The following ITCH variants were observed in gnomAD, a reference collection of about 807,000 sequenced individuals.
The protein encoded by ITCH is itchy E3 ubiquitin protein ligase, also known as E3 ubiquitin-protein ligase Itchy homolog.
A neutral mutation model predicts 126.8 loss-of-function variants in ITCH; 28 were observed. That is an observed-to-expected ratio of 0.22 (90% CI 0.16 to 0.30). ITCH has a LOEUF of 0.30. ITCH is among the 10% of genes least tolerant of loss of function. ITCH has a pLI of 1.00. For synonymous variants in ITCH, 342 were observed against 340.0 expected, an observed-to-expected ratio of 1.01 and a Z score of -0.06; for missense variants, 631 against 1,032.4, an observed-to-expected ratio of 0.61 and a Z score of 5.33.
At chr20:34,506,097 G>A (rs1007304484) in intron 24 of ITCH, among the ~76,000 whole-genome samples, 1 of 150,136 alleles carries the variant, frequency 6.7e-6, no homozygotes, top group Admixed American at 6.6e-5. Flanking sequence ...ACATGTCTCA[G>A]TCTGTCACCC....
chr20:34,495,520 C>T (rs1326547263), intron 23 of ITCH, among the ~76,000 whole-genome samples: 1 of 151,836 alleles, frequency 6.6e-6, no homozygotes, highest in African/African-American at 2.4e-5. Flanking sequence ...TTAGCTTTCA[C>T]GAGTGACAGC....
In ITCH at chr20:34,481,114, C is replaced by T. The variant is rs768384980; in HGVS notation, c.2001C>T (p.Asp667=). 1 of 1,613,308 alleles carries T rather than the reference C, an allele frequency of 6.2e-7. No individual in the cohort carries two copies. The highest frequency in any genetic ancestry group is 1.1e-5 in the South Asian group (1 of 91,074). The part of the protein sequence containing the change: ...ECDLEMYFSV[D]KEILGEIKSH... ...ATTTGGAAATGTACTTCTCCGTTGACAAAGAAATTCTAGGTGAAATTAAGA... is the reference window on the plus strand; with the variant it reads ...ATTTGGAAATGTACTTCTCCGTTGATAAAGAAATTCTAGGTGAAATTAAGA... The change falls in exon 20 of 25, where the codon GAC becomes GAT. Residue 667 remains aspartate, a synonymous_variant. Transcript: ENST00000374864.
intron 2 of ITCH, among the ~76,000 whole-genome samples, chr20:34,375,998 T>C (rs7275084): frequency 0.069 from 10,546 of 152,150 alleles, 1,176 homozygotes; most frequent in African/African-American, 0.24. Context: ...TCTTAATTTT[T>C]TTCTAAGGAG....
At chr20:34,477,883 G>A (rs1175770725) in intron 17 of ITCH, 23 bp downstream of exon 17, 1 of 1,612,786 alleles carries the variant, frequency 6.2e-7, no homozygotes, top group Non-Finnish European at 8.5e-7. Context: ...TGAATACTCA[G>A]AACTTAGTTC....
chr20:34,371,618 A>G (rs1398492412), intron 2 of ITCH, among the ~76,000 whole-genome samples: 3 of 152,124 alleles, frequency 2.0e-5, no homozygotes, highest in African/African-American at 7.2e-5. Flanking sequence ...AAGGAAGGAG[A>G]TGGTGGAATG....
intron 13 of ITCH, 121 bp downstream of exon 13, chr20:34,457,595 C>A: frequency 1.4e-6 from 1 of 709,502 alleles, no homozygotes; most frequent in Non-Finnish European, 2.5e-6. Flanking sequence ...CACCTACATA[C>A]TTTGGAAAGA....
chr20:34,487,908 C>T (rs1350783599), intron 20 of ITCH, among the ~76,000 whole-genome samples: 1 of 152,182 alleles, frequency 6.6e-6, no homozygotes, highest in Non-Finnish European at 1.5e-5. Flanking sequence ...CATTGCGCTT[C>T]AGCCTAGGGG....
chr20:34,490,777 G>C (rs989983629), intron 22 of ITCH, among the ~76,000 whole-genome samples: 2 of 152,190 alleles, frequency 1.3e-5, no homozygotes, highest in Non-Finnish European at 2.9e-5. Flanking sequence ...TAGTTTGGTG[G>C]TTCCTCAAAA....
At chr20:34,369,353 T>C in intron 1 of ITCH, 41 bp from the exon 2 acceptor site, 3 of 371,512 alleles carry the variant, frequency 8.1e-6, no homozygotes, top group Non-Finnish European at 1.4e-5. Context: ...AACAAAAAAA[T>C]ATAGAAGTAA....
chr20:34,395,606 C>T (rs549274877), intron 3 of ITCH, among the ~76,000 whole-genome samples: 27 of 152,274 alleles, frequency 1.8e-4, no homozygotes, highest in Admixed American at 1.4e-3. Flanking sequence ...AGCAGTCACT[C>T]TCCATTTAAC....
chr20:34,480,473 A>T, intron 18 of ITCH, 126 bp from the exon 19 acceptor site: 1 of 1,144,014 alleles, frequency 8.7e-7, no homozygotes, highest in Middle Eastern at 2.8e-4. Flanking sequence ...GATTGCTGGG[A>T]TTACAGGCGT....
intron 22 of ITCH, 52 bp downstream of exon 22, chr20:34,489,978 T>G: frequency 7.3e-7 from 1 of 1,369,162 alleles, no homozygotes; most frequent in Non-Finnish European, 1.0e-6. Flanking sequence ...TTTTTTAGAA[T>G]TTGCTTACCA....
At chr20:34,476,833 A>G (rs1382060255) in intron 16 of ITCH, 1 of 154,946 alleles carries the variant, frequency 6.5e-6, no homozygotes, top group African/African-American at 2.4e-5. Context: ...TTGTAAGAGT[A>G]ATTGATATAT....
At chr20:34,405,253 C>G (rs1003674027) in intron 3 of ITCH, among the ~76,000 whole-genome samples, 5 of 151,706 alleles carry the variant, frequency 3.3e-5, no homozygotes, top group African/African-American at 1.2e-4. Context: ...GCCTGTAATT[C>G]CAACACTTTG....
At chr20:34,394,312 A>G (rs1420435900) in intron 3 of ITCH, among the ~76,000 whole-genome samples, 1 of 151,898 alleles carries the variant, frequency 6.6e-6, no homozygotes, top group Non-Finnish European at 1.5e-5. Context: ...ATGAAGATAT[A>G]TAGATATGTA....
chr20:34,481,359 GTT>G (rs35351679), intron 20 of ITCH, among the ~76,000 whole-genome samples, 153 bp downstream of exon 20: 4 of 151,298 alleles, frequency 2.6e-5, no homozygotes, highest in African/African-American at 9.7e-5. Context: ...TTTCTAAAAA[GTT>G]TTTTTTTAAG....
chr20:34,447,233 C>T (rs1248132431), intron 11 of ITCH, among the ~76,000 whole-genome samples: 2 of 151,074 alleles, frequency 1.3e-5, no homozygotes, highest in South Asian at 2.1e-4. Flanking sequence ...CCGCCCAATC[C>T]AATATAATCT....
intron 16 of ITCH, 105 bp from the exon 17 acceptor site, chr20:34,477,667 T>G (rs943958538): frequency 1.1e-6 from 1 of 951,284 alleles, no homozygotes. Flanking sequence ...TTCTGTGTCA[T>G]GGGAGATTTC....
chr20:34,490,300 G>A (rs1285816473), intron 22 of ITCH, among the ~76,000 whole-genome samples: 1 of 152,128 alleles, frequency 6.6e-6, no homozygotes. Context: ...AATCATAACG[G>A]TATCTCTCTA....
Sources: allele counts gnomAD v4.1 joint callset (sites outside exome capture counted in the v4.1 genomes callset), GRCh38; gene constraint gnomAD v4.1.1; transcripts MANE v1.5; gene names NCBI Gene and HGNC (gene_info 2026-07-23, HGNC 2026-07-21).